R3HDM1: variants seen among roughly 807,000 people sequenced by gnomAD.
R3HDM1 encodes R3H domain-containing protein 1.
In R3HDM1, 46 loss-of-function variants were observed where a neutral mutation model predicts 141.1. The observed-to-expected ratio is 0.33, with a 90% confidence interval of 0.26 to 0.42. The LOEUF is 0.42. Among genes scored for constraint, R3HDM1 ranks in the 10% least tolerant of loss-of-function variants. The probability of loss-of-function intolerance (pLI) is 1.00; values close to 1 mark genes in which losing one functional copy is unlikely to be tolerated. For missense variants in R3HDM1, 1,184 were observed against 1,368.3 expected, an observed-to-expected ratio of 0.87 and a Z score of 2.12; for synonymous variants, 435 against 472.9, an observed-to-expected ratio of 0.92 and a Z score of 1.04.
chr2:135,613,391 A>C (rs1258348329), intron 3 of R3HDM1, among the ~76,000 whole-genome samples: 1 of 152,082 alleles, frequency 6.6e-6, no homozygotes, highest in South Asian at 2.1e-4. Flanking sequence ...CACGCTTTAA[A>C]TCTCTCTGAC....
intron 18 of R3HDM1, among the ~76,000 whole-genome samples, chr2:135,659,238 C>T (rs943098187): frequency 3.3e-5 from 5 of 152,002 alleles, no homozygotes; most frequent in African/African-American, 9.7e-5. Flanking sequence ...GCTGGGACTA[C>T]AGACACGCAC....
At chr2:135,621,126 A>T (rs2061476970) in intron 5 of R3HDM1, among the ~76,000 whole-genome samples, 1 of 151,992 alleles carries the variant, frequency 6.6e-6, no homozygotes, top group Non-Finnish European at 1.5e-5. Flanking sequence ...GTCATGATTG[A>T]TGATAATTAT....
intron 11 of R3HDM1, 102 bp from the exon 12 acceptor site, chr2:135,638,516 T>A: frequency 1.6e-6 from 2 of 1,219,828 alleles, no homozygotes; most frequent in Non-Finnish European, 2.3e-6. Flanking sequence ...CATTTTTAAC[T>A]TACATTATTA....
intron 17 of R3HDM1, 148 bp from the exon 18 acceptor site, chr2:135,651,579 CTTT>C (rs2065155305): frequency 8.1e-7 from 1 of 1,230,226 alleles, no homozygotes; most frequent in Non-Finnish European, 1.0e-6. Context: ...TTTTTTGAAG[CTTT>C]ACCCTATTAC....
intron 1 of R3HDM1, among the ~76,000 whole-genome samples, chr2:135,573,504 A>G (rs1044913761): frequency 7.9e-5 from 12 of 152,166 alleles, no homozygotes; most frequent in African/African-American, 7.2e-5. Context: ...TTCAGCCAGA[A>G]GAAGTCCATC....
intron 1 of R3HDM1, among the ~76,000 whole-genome samples, chr2:135,561,954 C>T (rs1022335247): frequency 1.3e-5 from 2 of 152,002 alleles, no homozygotes; most frequent in African/African-American, 4.8e-5. Context: ...TGAATGAGTC[C>T]AGCCATCTAT....
chr2:135,596,452 T>A (rs2059196842), intron 1 of R3HDM1, among the ~76,000 whole-genome samples: 1 of 152,198 alleles, frequency 6.6e-6, no homozygotes, highest in African/African-American at 2.4e-5. Flanking sequence ...TTGCTAACCT[T>A]TTTTATATTG....
intron 19 of R3HDM1, chr2:135,669,082 G>A: frequency 1.1e-6 from 1 of 927,814 alleles, no homozygotes; most frequent in Non-Finnish European, 1.3e-6. Flanking sequence ...TCACTGTTTT[G>A]CCTAGACTGG....
intron 20 of R3HDM1, 141 bp from the exon 21 acceptor site, chr2:135,680,032 A>G (rs2069964199): frequency 2.4e-6 from 2 of 832,872 alleles, no homozygotes; most frequent in African/African-American, 3.4e-5. Context: ...GTGAGCCAAG[A>G]TTGCACCACT....
chr2:135,709,558 T>G, intron 22 of R3HDM1, 22 bp downstream of exon 22: 1 of 1,610,692 alleles, frequency 6.2e-7, no homozygotes, highest in Non-Finnish European at 8.5e-7. Flanking sequence ...TCAGTGAAAA[T>G]AAGATGATTG....
intron 21 of R3HDM1, among the ~76,000 whole-genome samples, chr2:135,702,723 A>C (rs2074402565): frequency 6.6e-6 from 1 of 151,902 alleles, no homozygotes; most frequent in South Asian, 2.1e-4. Context: ...AGGCTGAGGA[A>C]AGAGAATCAC....
At chr2:135,602,043 A>AT (rs2059665477) in intron 1 of R3HDM1, among the ~76,000 whole-genome samples, 1 of 79,684 alleles carries the variant, frequency 1.3e-5, no homozygotes, top group Admixed American at 1.3e-4. Context: ...TTTTTGTTTT[A>AT]TTTTTTCTTT....
intron 15 of R3HDM1, among the ~76,000 whole-genome samples, chr2:135,644,428 G>C (rs757638752): frequency 6.6e-6 from 1 of 151,860 alleles, no homozygotes; most frequent in Non-Finnish European, 1.5e-5. Flanking sequence ...GCTTGAACCC[G>C]GGGGAGGCTG....
chr2:135,623,011 A>C, intron 7 of R3HDM1: 1 of 982,006 alleles, frequency 1.0e-6, no homozygotes, highest in South Asian at 4.7e-5. Flanking sequence ...TATACCATTA[A>C]TCATGAGAAA....
At chr2:135,581,658 A>G (rs1208007543) in intron 1 of R3HDM1, among the ~76,000 whole-genome samples, 4 of 152,204 alleles carry the variant, frequency 2.6e-5, no homozygotes, top group Admixed American at 1.3e-4. Flanking sequence ...CCAGTTGACC[A>G]TGCCGAATTT....
intron 3 of R3HDM1, among the ~76,000 whole-genome samples, chr2:135,611,560 TAAAAC>T (rs1399201060): frequency 6.6e-6 from 1 of 152,160 alleles, no homozygotes; most frequent in Non-Finnish European, 1.5e-5. Flanking sequence ...TCTTTAGTAA[TAAAAC>T]AGAGTAAAAC....
intron 1 of R3HDM1, among the ~76,000 whole-genome samples, chr2:135,592,725 T>C (rs1559189416): frequency 6.6e-6 from 1 of 152,050 alleles, no homozygotes; most frequent in Non-Finnish European, 1.5e-5. Context: ...TGGGTTTTTT[T>C]TTTCCTCCAT....
chr2:135,619,988 T>C (rs1004370424), intron 5 of R3HDM1, among the ~76,000 whole-genome samples: 2 of 152,198 alleles, frequency 1.3e-5, no homozygotes, highest in Non-Finnish European at 2.9e-5. Context: ...TTAAAATATA[T>C]CTTGTTTATT....
At chr2:135,581,538 A>T (rs1231225134) in intron 1 of R3HDM1, 1 of 435,158 alleles carries the variant, frequency 2.3e-6, no homozygotes, top group African/African-American at 2.2e-5. Context: ...CCTCTCTATG[A>T]CATGTTAAGT....
Sources: allele counts gnomAD v4.1 joint callset (sites outside exome capture counted in the v4.1 genomes callset), GRCh38; gene constraint gnomAD v4.1.1; transcripts MANE v1.5; gene names NCBI Gene and HGNC (gene_info 2026-07-23, HGNC 2026-07-21).